C3orf49: variants seen among roughly 807,000 people sequenced by gnomAD.
C3orf49 encodes chromosome 3 open reading frame 49, also known as putative uncharacterized protein C3orf49.
C3orf49 carries 27 observed loss-of-function variants against 13.3 expected under a neutral mutation model. The ratio of observed to expected loss-of-function variants is 2.02; its 90% CI spans 1.49 to 2.79. The LOEUF (loss-of-function observed/expected upper bound fraction) is 2.79, where lower values mean the gene tolerates loss of function less well. Ranked by LOEUF, C3orf49 falls within the 30% of genes most tolerant of loss-of-function variation. The probability of loss-of-function intolerance (pLI) is 0.00; values close to 1 mark genes in which losing one functional copy is unlikely to be tolerated. For synonymous variants in C3orf49, 87 were observed against 47.6 expected (o/e 1.83, Z -3.40); for missense variants, 242 against 134.2 (o/e 1.80, Z -3.97).
At chr3:63,847,311 T>C (rs566960108) in intron 6 of C3orf49, among the ~76,000 whole-genome samples, 3 of 152,366 alleles carry the variant, frequency 2.0e-5, no homozygotes, top group East Asian at 3.9e-4. Context: ...TGAACTCTCA[T>C]CAGGTTTTAA....
chr3:63,822,876 A>T (rs1001610861), intron 1 of C3orf49, among the ~76,000 whole-genome samples: 6 of 152,240 alleles, frequency 3.9e-5, no homozygotes, highest in Non-Finnish European at 8.8e-5. Flanking sequence ...TTGAAATAAG[A>T]TTGCCAATTT....
chr3:63,818,980 A>C (rs1267126903), upstream of C3orf49, among the ~76,000 whole-genome samples: 1 of 152,262 alleles, frequency 6.6e-6, no homozygotes, highest in Non-Finnish European at 1.5e-5. Context: ...TGAGAGATCT[A>C]ACAGAAGCTC....
intron 5 of C3orf49, among the ~76,000 whole-genome samples, chr3:63,839,384 C>T (rs2637981): frequency 0.97 from 148,315 of 152,276 alleles, 72,326 homozygotes; most frequent in East Asian, 1. Context: ...TTTTATCTTA[C>T]TAAACACTTA....
At chr3:63,839,845 T>C in intron 5 of C3orf49, 1 of 1,227,562 alleles carries the variant, frequency 8.1e-7, no homozygotes, top group South Asian at 1.3e-5. Context: ...AGTATCACTG[T>C]TCATTTGTTT....
intron 5 of C3orf49, chr3:63,834,046 A>C (rs996852390): frequency 3.0e-6 from 4 of 1,343,020 alleles, no homozygotes; most frequent in Non-Finnish European, 4.1e-6. Flanking sequence ...AAAACTTTAA[A>C]TATCTCAAGA....
intron 5 of C3orf49, chr3:63,835,516 A>G: frequency 1.4e-6 from 1 of 697,050 alleles, no homozygotes; most frequent in East Asian, 2.8e-5. Context: ...GAGTTATAAC[A>G]CTCCATTATG....
At chr3:63,792,380 G>C in the C3orf49 span, among the ~76,000 whole-genome samples, 2 of 152,040 alleles carry the variant, frequency 1.3e-5, no homozygotes, top group African/African-American at 4.8e-5. Flanking sequence ...ATTGTTTTTC[G>C]GCGTGAATAA....
chr3:63,836,208 A>G (rs2107117600), intron 5 of C3orf49: 4 of 1,196,418 alleles, frequency 3.3e-6, no homozygotes, highest in Non-Finnish European at 3.6e-6. Context: ...CTTTTGAAAC[A>G]TATTTATTTC....
intron 5 of C3orf49, chr3:63,838,371 C>T: frequency 1.3e-6 from 2 of 1,482,030 alleles, no homozygotes; most frequent in Non-Finnish European, 1.9e-6. Flanking sequence ...AGATTCTTTA[C>T]CTATTTCCTT....
In C3orf49 at chr3:63,819,563, A is replaced by T; in HGVS notation, c.92A>T (p.Lys31Ile). 1 of 703,482 alleles carries T rather than the reference A, an allele frequency of 1.4e-6. No homozygotes were observed. The highest frequency in any genetic ancestry group is 2.6e-6 in the Non-Finnish European group (1 of 385,068). The allele number at this position is 703,482 out of a possible 1,614,324, so 43.6% of individuals were successfully genotyped here. Residue 31 changes from lysine to isoleucine, a missense_variant, in exon 1 of 7, where the codon AAA becomes ATA. Lys to Ile is a moderately radical substitution (Grantham distance 102). Transcript: ENST00000295896. ...CGAAGATTCCAGCAACTCAAGAAGA[A>T]AAATGGCTCATTCAAAAGGAAGGGG... ...QCRRFQQLKK[K>I]NGSFKRKGIE...
chr3:63,789,998 A>AGCCATTAT, the C3orf49 span, among the ~76,000 whole-genome samples: 1 of 152,114 alleles, frequency 6.6e-6, no homozygotes, highest in Non-Finnish European at 1.5e-5. Context: ...GGACTATTAG[A>AGCCATTAT]GCCATTATCC....
chr3:63,822,571 T>C (rs891791166), intron 1 of C3orf49, among the ~76,000 whole-genome samples: 1 of 152,242 alleles, frequency 6.6e-6, no homozygotes, highest in Non-Finnish European at 1.5e-5. Flanking sequence ...GATTAAATTA[T>C]GTTATACACA....
the C3orf49 span, among the ~76,000 whole-genome samples, chr3:63,796,388 G>A: frequency 6.6e-6 from 1 of 152,096 alleles, no homozygotes; most frequent in Non-Finnish European, 1.5e-5. Context: ...GCCAAAAGAA[G>A]ATCCAGAATC....
At chr3:63,824,574 C>T (rs1385573024) in intron 2 of C3orf49, among the ~76,000 whole-genome samples, 1 of 152,108 alleles carries the variant, frequency 6.6e-6, no homozygotes, top group Non-Finnish European at 1.5e-5. Context: ...AGCAGTGGCT[C>T]ACGTATGTAA....
At chr3:63,787,042 A>G in the C3orf49 span, 1 of 152,216 alleles carries the variant, frequency 6.6e-6, no homozygotes, top group Non-Finnish European at 1.5e-5. Context: ...GAGATCATTT[A>G]ATAGAGAAGA....
chr3:63,843,933 G>GTA (rs1223321753), intron 5 of C3orf49, among the ~76,000 whole-genome samples: 4 of 151,860 alleles, frequency 2.6e-5, no homozygotes, highest in Non-Finnish European at 4.4e-5. Context: ...GGATGTGTGT[G>GTA]TATATATATA....
upstream of C3orf49, among the ~76,000 whole-genome samples, chr3:63,815,094 AGGAC>A (rs1701309401): frequency 6.6e-6 from 1 of 152,184 alleles, no homozygotes; most frequent in Non-Finnish European, 1.5e-5. Context: ...TGCTATCACG[AGGAC>A]AGTAACAGGG....
chr3:63,823,777 TGTGTGTGTGTG>T (rs1701430255), intron 2 of C3orf49, among the ~76,000 whole-genome samples: 1 of 134,456 alleles, frequency 7.4e-6, no homozygotes, highest in African/African-American at 2.7e-5. Context: ...TGTGTGTGTG[TGTGTGTGTGTG>T]TGTGTGTGTG....
chr3:63,832,884 A>AT (rs1701552471), intron 5 of C3orf49: 1 of 152,176 alleles, frequency 6.6e-6, no homozygotes, highest in Non-Finnish European at 1.5e-5. Flanking sequence ...TTAAACTTTC[A>AT]TTTTTAAAGA....
Sources: allele counts gnomAD v4.1 joint callset (sites outside exome capture counted in the v4.1 genomes callset), GRCh38; gene constraint gnomAD v4.1.1; transcripts MANE v1.5; gene names NCBI Gene and HGNC (gene_info 2026-07-23, HGNC 2026-07-21).